Variants in MGAT4C observed in about 807,000 individuals in gnomAD.
The protein encoded by MGAT4C is alpha-1,3-mannosyl-glycoprotein 4-beta-N-acetylglucosaminyltransferase C.
MGAT4C carries 19 observed loss-of-function variants against 40.1 expected under a neutral mutation model. The observed-to-expected ratio is 0.47, with a 90% CI of 0.33 to 0.70. The LOEUF (loss-of-function observed/expected upper bound fraction) is 0.70. Ranked by LOEUF, MGAT4C falls within the 30% of genes least tolerant of loss-of-function variation. The probability of loss-of-function intolerance (pLI) is 0.02; values close to 1 mark genes in which losing one functional copy is unlikely to be tolerated. For missense variants in MGAT4C, 491 were observed against 563.2 expected (o/e 0.87, Z 1.30); for synonymous variants, 181 against 187.1 (o/e 0.97, Z 0.27).
At chr12:86,006,282 C>T (rs1017851827) in intron 2 of MGAT4C, among the ~76,000 whole-genome samples, 6 of 152,096 alleles carry the variant, frequency 3.9e-5, no homozygotes, top group African/African-American at 1.4e-4. Context: ...AAGCTCAAAT[C>T]AAGATGTCTT....
chr12:86,649,176 C>T (rs1963628440), intron 2 of MGAT4C, among the ~76,000 whole-genome samples: 1 of 151,702 alleles, frequency 6.6e-6, no homozygotes, highest in Non-Finnish European at 1.5e-5. Context: ...AAAAGTGTTA[C>T]TTCTTCCAAA....
At chr12:86,625,027 T>C (rs1020070878) in intron 2 of MGAT4C, among the ~76,000 whole-genome samples, 1 of 152,046 alleles carries the variant, frequency 6.6e-6, no homozygotes, top group African/African-American at 2.4e-5. Flanking sequence ...CATGCTGGTC[T>C]CGTGATAGTG....
At chr12:86,471,644 T>C (rs1477622980) in intron 2 of MGAT4C, among the ~76,000 whole-genome samples, 2 of 152,052 alleles carry the variant, frequency 1.3e-5, no homozygotes, top group Non-Finnish European at 2.9e-5. Context: ...AAGTCCGTGA[T>C]GTGAGAAAAT....
At chr12:86,254,165 CT>C (rs1431334126) in intron 1 of MGAT4C, among the ~76,000 whole-genome samples, 2 of 151,922 alleles carry the variant, frequency 1.3e-5, no homozygotes, top group African/African-American at 4.8e-5. Flanking sequence ...TTCCTAGGGA[CT>C]TTGTGGCATA....
At chr12:86,178,190 C>T (rs897090384) in intron 1 of MGAT4C, among the ~76,000 whole-genome samples, 20 of 152,162 alleles carry the variant, frequency 1.3e-4, no homozygotes, top group Non-Finnish European at 2.8e-4. Context: ...CCCGCCTTGG[C>T]CTCCCAAAGT....
At chr12:86,249,561 C>T (rs1952179176) in intron 1 of MGAT4C, among the ~76,000 whole-genome samples, 2 of 152,072 alleles carry the variant, frequency 1.3e-5, no homozygotes, top group Admixed American at 1.3e-4. Context: ...TTTGAATAAC[C>T]TAATTTAAAC....
intron 2 of MGAT4C, among the ~76,000 whole-genome samples, chr12:86,642,967 CA>C (rs1565900538): frequency 6.6e-6 from 1 of 151,774 alleles, no homozygotes; most frequent in South Asian, 2.1e-4. Flanking sequence ...TAACAGTCTT[CA>C]AAAAATTAAA....
upstream of MGAT4C, among the ~76,000 whole-genome samples, chr12:86,259,156 A>T (rs1171058918): frequency 6.6e-6 from 1 of 151,976 alleles, no homozygotes; most frequent in Non-Finnish European, 1.5e-5. Flanking sequence ...ATTAGAAAGT[A>T]ATAATTAGTA....
intron 2 of MGAT4C, among the ~76,000 whole-genome samples, chr12:86,687,414 T>G (rs1950093137): frequency 6.6e-6 from 1 of 152,060 alleles, no homozygotes; most frequent in Non-Finnish European, 1.5e-5. Context: ...CTCTAGTTCT[T>G]TTAAGTGTGA....
At chr12:86,783,514 T>G (rs1565987640) in intron 1 of MGAT4C, among the ~76,000 whole-genome samples, 1 of 152,068 alleles carries the variant, frequency 6.6e-6, no homozygotes, top group Non-Finnish European at 1.5e-5. Context: ...TTTGTGTAAT[T>G]CTTTGGTTAT....
chr12:86,456,919 T>A (rs778588621), intron 2 of MGAT4C, among the ~76,000 whole-genome samples: 3 of 152,104 alleles, frequency 2.0e-5, no homozygotes, highest in Non-Finnish European at 4.4e-5. Flanking sequence ...AAAATGAATC[T>A]AATGATATGC....
At chr12:86,448,158 T>A (rs1957370502) in intron 2 of MGAT4C, among the ~76,000 whole-genome samples, 1 of 152,120 alleles carries the variant, frequency 6.6e-6, no homozygotes, top group African/African-American at 2.4e-5. Context: ...ATATGAGACA[T>A]GGTTCACACA....
intron 1 of MGAT4C, among the ~76,000 whole-genome samples, chr12:86,749,372 A>C (rs912453702): frequency 1.3e-5 from 2 of 151,750 alleles, no homozygotes; most frequent in East Asian, 3.9e-4. Context: ...ATACATAGAA[A>C]CTTTTGCATC....
intron 1 of MGAT4C, among the ~76,000 whole-genome samples, chr12:86,781,180 T>A (rs1294968635): frequency 6.6e-6 from 1 of 152,292 alleles, no homozygotes; most frequent in East Asian, 1.9e-4. Flanking sequence ...TTCCCAGTAG[T>A]GGGATTGCTG....
intron 2 of MGAT4C, among the ~76,000 whole-genome samples, chr12:86,645,122 A>G (rs1963502432): frequency 6.6e-6 from 1 of 151,570 alleles, no homozygotes; most frequent in Non-Finnish European, 1.5e-5. Flanking sequence ...TATATTTAAA[A>G]TAGTCTGTGT....
intron 4 of MGAT4C, among the ~76,000 whole-genome samples, chr12:86,263,640 G>C (rs573097839): frequency 2.0e-5 from 3 of 152,156 alleles, no homozygotes. Flanking sequence ...GAGCCTATCA[G>C]TGCAGATATC....
chr12:86,437,793 A>T (rs921326235), intron 2 of MGAT4C, among the ~76,000 whole-genome samples: 2 of 151,702 alleles, frequency 1.3e-5, no homozygotes, highest in African/African-American at 4.8e-5. Flanking sequence ...CATTGATATT[A>T]CTCTTGTAAT....
At chr12:86,303,010 C>G (rs1377675492) in intron 4 of MGAT4C, among the ~76,000 whole-genome samples, 2 of 150,646 alleles carry the variant, frequency 1.3e-5, no homozygotes, top group Non-Finnish European at 1.5e-5. Context: ...GTTCTTCCAC[C>G]AGCTCAGAAT....
At chr12:86,079,171 G>A (rs966071133) in intron 1 of MGAT4C, among the ~76,000 whole-genome samples, 3 of 152,152 alleles carry the variant, frequency 2.0e-5, no homozygotes, top group East Asian at 1.9e-4. Context: ...GTTGAAAGGA[G>A]TAGCATTTGT....
Sources: allele counts gnomAD v4.1 joint callset (sites outside exome capture counted in the v4.1 genomes callset), GRCh38; gene constraint gnomAD v4.1.1; transcripts MANE v1.5; gene names NCBI Gene and HGNC (gene_info 2026-07-23, HGNC 2026-07-21).